Variants in FANCG observed in about 807,000 individuals in gnomAD.
FANCG encodes Fanconi anemia group G protein.
FANCG carries 67 observed loss-of-function variants against 73.3 expected under a neutral mutation model. That is an observed-to-expected ratio of 0.91 (90% CI 0.75 to 1.12). The LOEUF (loss-of-function observed/expected upper bound fraction) is 1.12, where lower values mean the gene tolerates loss of function less well. FANCG is among the 50% of genes most tolerant of loss of function. The pLI is 0.00. For missense variants in FANCG, 643 were observed against 735.6 expected (o/e 0.87, Z 1.46); for synonymous variants, 297 against 311.6 (o/e 0.95, Z 0.49).
At position 35,077,106 on chromosome 9, in the gene FANCG, G is replaced by A; in HGVS notation, c.647-5C>T. The A allele has an allele frequency of 6.2e-7, 1 of 1,614,202 alleles. No individual in the cohort carries two copies. Among genetic ancestry groups the A allele is most frequent in the Non-Finnish European group, 8.5e-7 (1 of 1,180,030 alleles). ...CTGTGATCAGCTCCTGGAGACCTGA[G>A]GACAGTCAGGGTGTGAGCTTGGAGA... On this transcript the variant is annotated splice_region_variant and splice_polypyrimidine_tract_variant and intron_variant, in intron 5 of 13. Coordinates refer to ENST00000378643, the MANE Select transcript of FANCG (RefSeq NM_004629.2).
chr9:35,075,655 T>C lies in FANCG; in HGVS notation c.1243A>G (p.Thr415Ala). ...CGGCTGAGCAACTCCTCACATAGAG[T>C]CAAGGCATCTTGGGCTCTGCCTGCC... Reference protein sequence around the residue: ...IQAGRAQDALTLCEELLSRTS... With the variant: ...IQAGRAQDALALCEELLSRTS... The change falls in exon 10 of 14, where the codon ACT becomes GCT. Residue 415 changes from threonine (T) to alanine (A), a missense_variant. Transcript: ENST00000378643. 6.2e-7 allele frequency: 1 copy of C among 1,604,650 alleles called. No homozygotes were observed. Among genetic ancestry groups the C allele is most frequent in the Non-Finnish European group, 8.5e-7 (1 of 1,176,252 alleles).
In FANCG at chr9:35,074,332, A is replaced by G. The variant is rs768235127; in HGVS notation, c.1760+39T>C. ...TAGGTCCAAGGACTCTAGGACACCA[A>G]CTGCCCCTCAGCCCCAAGCCAGCAG... is the stretch of plus-strand genomic sequence containing the variant. On this transcript the variant is annotated intron_variant, in intron 13 of 13. Transcript: ENST00000378643. The G allele has an allele frequency of 3.1e-6, 5 of 1,613,960 alleles. No individual in the cohort carries two copies. In the South Asian group the frequency reaches 5.5e-5, roughly 18 times the overall value.
Position 35,079,896 on chromosome 9 carries a change from C to T in FANCG, c.-372G>A. On this transcript the variant is annotated 5_prime_UTR_variant, in exon 1 of 14. Transcript: ENST00000378643. The stretch of plus-strand genomic sequence containing the variant: ...CTGACTGGGGCAGTCGCACGGCCGG[C>T]GGTGCGGCCCGCTCGGCTCTCGCGG... 1 of 407,404 alleles carries T rather than the reference C, an allele frequency of 2.5e-6. No individual in the cohort carries two copies. The highest frequency in any genetic ancestry group is 2.5e-5 in the South Asian group (1 of 39,844). 25.2% of individuals were successfully genotyped at this position (407,404 alleles called of 1,614,324 possible).
Position 35,079,414 on chromosome 9 carries a change from AACCGAGGGTGCCAGCAACCGTGTT to A in FANCG, c.84+3_84+26del. 6.2e-7 allele frequency: 1 copy of A among 1,613,734 alleles called. No individual in the cohort carries two copies. Among genetic ancestry groups the A allele is most frequent in the Non-Finnish European group, 8.5e-7 (1 of 1,179,744 alleles). ...CGCTTTCAGGGATCTTGAGGCTGCA[AACCGAGGGTGCCAGCAACCGTGTT>A]ACCTTGGCCTGTCGAACGAGCCGGT... is the stretch of plus-strand genomic sequence containing the variant. On this transcript the variant is annotated splice_donor_5th_base_variant and intron_variant, in intron 1 of 13. Coordinates refer to ENST00000378643, the MANE Select transcript of FANCG (RefSeq NM_004629.2).
rs2131053463 is a variant in FANCG, at chr9:35,075,314, A to G, written c.1445T>C (p.Leu482Pro). ...AISEFSRCLELLFRATPEEKE... is the reference protein window; with the variant it reads ...AISEFSRCLEPLFRATPEEKE... The stretch of plus-strand genomic sequence containing the variant: ...TTCCTCAGGTGTGGCCCGGAAGAGC[A>G]GCTCGAGGCACCTGAAGTAGGACAC... The change falls in exon 11 of 14, where the codon CTG (leucine) becomes CCG (proline). Residue 482 changes from leucine to proline, a missense_variant. Transcript: ENST00000378643. 6.2e-7 allele frequency: 1 copy of G among 1,614,188 alleles called. No homozygotes were observed. The highest frequency in any genetic ancestry group is 8.5e-7 in the Non-Finnish European group (1 of 1,180,034).
chr9:35,079,609 GGGGCCTGGGCA>G lies in FANCG; in HGVS notation c.-96_-86del. The G allele has an allele frequency of 7.1e-7, 1 of 1,403,888 alleles. No individual in the cohort carries two copies. The highest frequency in any genetic ancestry group is 1.0e-6 in the Non-Finnish European group (1 of 993,476). 87.0% of individuals were successfully genotyped at this position (1,403,888 alleles called of 1,614,324 possible). Reference sequence around the variant, plus strand: ...CCCAAGCTCCCAACCCCAGCGGGGAGGGGCCTGGGCACTTCTGCACCCCGCCGAGCTCCCCT... The same window carrying G: ...CCCAAGCTCCCAACCCCAGCGGGGAGCTTCTGCACCCCGCCGAGCTCCCCT... On this transcript the variant is annotated 5_prime_UTR_variant, in exon 1 of 14. Coordinates refer to ENST00000378643, the MANE Select transcript of FANCG (RefSeq NM_004629.2).
chr9:35,075,775 AG>A, intron 9 of FANCG, 21 bp from the exon 10 acceptor site: 2 of 1,582,310 alleles, frequency 1.3e-6, no homozygotes, highest in Non-Finnish European at 1.7e-6. Context: ...AAGAAGAAGC[AG>A]TGTCTTGAAA....
In FANCG at chr9:35,076,926, C is replaced by T. The variant is rs17885935; in HGVS notation, c.777+45G>A. The T allele has an allele frequency of 3.5e-3, 5,625 of 1,614,182 alleles. 168 individuals are homozygous for T. In the African/African-American group the frequency reaches 0.063, roughly 18 times the overall value. On this transcript the variant is annotated intron_variant, in intron 6 of 13. Coordinates refer to ENST00000378643, the MANE Select transcript of FANCG (RefSeq NM_004629.2). Reference sequence around the variant, plus strand: ...TACCCTTACAAAGCAAAAAGCTATACATAATGCTTGTGGTTTCCCCAATCC... The same window carrying T: ...TACCCTTACAAAGCAAAAAGCTATATATAATGCTTGTGGTTTCCCCAATCC...
rs1266618761 is a variant in FANCG at position 35,075,268 on chromosome 9, G to T, written c.1480+11C>A. On this transcript the variant is annotated intron_variant, in intron 11 of 13. Transcript: ENST00000378643. ...CCAGGAGGTAAGAGGAAAACTGAAA[G>T]TTTAGATCACCTTGTTCTTTTTCCT... 6.2e-7 allele frequency: 1 copy of T among 1,614,072 alleles called. No homozygotes were observed. The highest frequency in any genetic ancestry group is 2.2e-5 in the East Asian group (1 of 44,892).
chr9:35,074,167 C>T lies in FANCG; in HGVS notation c.1810G>A (p.Asp604Asn). Residue 604 changes from aspartate to asparagine, a missense_variant, in exon 14 of 14, where the codon GAT (aspartate) becomes AAT (asparagine). By Grantham distance (23) the Asp-to-Asn change is conservative (BLOSUM62 1). Coordinates refer to ENST00000378643, the MANE Select transcript of FANCG (RefSeq NM_004629.2). The part of the protein sequence containing the change: ...ESYLSWIRPS[D>N]RDAFLEEFRT... ...AATTCTTCAAGGAAGGCGTCACGAT[C>T]AGAGGGACGGATCCAGCTCAAATAG... is the stretch of plus-strand genomic sequence containing the variant. 6.2e-7 allele frequency: 1 copy of T among 1,614,210 alleles called. No individual in the cohort carries two copies.
At position 35,079,638 on chromosome 9, in the gene FANCG, G is replaced by T; in HGVS notation, c.-114C>A. 1 of 1,016,338 alleles carries T rather than the reference G, an allele frequency of 9.8e-7. No homozygotes were observed. The highest frequency in any genetic ancestry group is 1.5e-6 in the Non-Finnish European group (1 of 653,302). 63.0% of individuals were successfully genotyped at this position (1,016,338 alleles called of 1,614,324 possible). Reference sequence around the variant, plus strand: ...CCTGGGCACTTCTGCACCCCGCCGAGCTCCCCTGCTTCTCTCGGGGTCCCA... The same window carrying T: ...CCTGGGCACTTCTGCACCCCGCCGATCTCCCCTGCTTCTCTCGGGGTCCCA... On this transcript the variant is annotated 5_prime_UTR_variant, in exon 1 of 14. Coordinates refer to ENST00000378643, the MANE Select transcript of FANCG (RefSeq NM_004629.2).
intron 9 of FANCG, 74 bp downstream of exon 9, chr9:35,075,888 T>C: frequency 6.4e-7 from 1 of 1,574,242 alleles, no homozygotes. Flanking sequence ...AACAAAAAAT[T>C]GCAGTCTTGC....
intron 11 of FANCG, 34 bp from the exon 12 acceptor site, chr9:35,075,116 C>T (rs1829058257): frequency 2.5e-6 from 4 of 1,613,138 alleles, no homozygotes; most frequent in Non-Finnish European, 3.4e-6. Flanking sequence ...GAAGTGTCTT[C>T]CCAGCCTCAC....
chr9:35,077,254 G>T lies in FANCG; in HGVS notation c.646+10C>A, dbSNP rs1829102151. The T allele has an allele frequency of 5.0e-6, 8 of 1,614,080 alleles. No individual in the cohort carries two copies. The highest frequency in any genetic ancestry group is 5.9e-6 in the Non-Finnish European group (7 of 1,180,022). On this transcript the variant is annotated intron_variant, in intron 5 of 13. Coordinates refer to ENST00000378643, the MANE Select transcript of FANCG (RefSeq NM_004629.2). ...AAAGGTAGAAGAGATGAGTCAGGTT[G>T]CTAGCTGACCTTGGCGGTAGGCAAA...
intron 9 of FANCG, 30 bp downstream of exon 9, chr9:35,075,932 C>T (rs571020770): frequency 6.2e-7 from 1 of 1,612,554 alleles, no homozygotes; most frequent in African/African-American, 1.3e-5. Flanking sequence ...CCGTCTACCC[C>T]ATTGCAGAGA....
intron 8 of FANCG, 150 bp downstream of exon 8, chr9:35,076,282 T>A: frequency 1.1e-6 from 1 of 930,370 alleles, no homozygotes. Context: ...AGTTCAGGTC[T>A]AGAAGCAAGG....
In FANCG at chr9:35,079,851, G is replaced by C. The variant is rs932666774; in HGVS notation, c.-327C>G. 1 of 454,506 alleles carries C rather than the reference G, an allele frequency of 2.2e-6. No homozygotes were observed. The highest frequency in any genetic ancestry group is 4.1e-6 in the Non-Finnish European group (1 of 242,658). The allele number at this position is 454,506 out of a possible 1,614,324, so 28.2% of individuals were successfully genotyped here. A position where few individuals can be genotyped will look rare whatever the true frequency, so the allele number is the denominator to read the frequency against. On this transcript the variant is annotated 5_prime_UTR_variant, in exon 1 of 14. Coordinates refer to ENST00000378643, the MANE Select transcript of FANCG (RefSeq NM_004629.2). ...AGCAACCCCAAACAGGCTTAGGCGG[G>C]CTAGAAGCCGGGGTCGTGTCTGACT...
chr9:35,079,339 T>C, intron 1 of FANCG, 98 bp from the exon 2 acceptor site: 2 of 1,558,650 alleles, frequency 1.3e-6, no homozygotes, highest in South Asian at 2.2e-5. Flanking sequence ...TCTGGCTCTT[T>C]GGTCAAGCTC....
At chr9:35,076,628 A>G in intron 7 of FANCG, 45 bp from the exon 8 acceptor site, 1 of 1,614,096 alleles carries the variant, frequency 6.2e-7, no homozygotes, top group Non-Finnish European at 8.5e-7. Context: ...TTTGGGAGCC[A>G]TACTTCCTTA....
Sources: allele counts gnomAD v4.1 joint callset, GRCh38; gene constraint gnomAD v4.1.1; transcripts MANE v1.5; gene names NCBI Gene and HGNC (gene_info 2026-07-23, HGNC 2026-07-21).